Variants in ZNF154 observed in about 807,000 individuals in gnomAD.
ZNF154 encodes zinc finger protein 154, also known as zinc finger protein 154 (pHZ-92).
In ZNF154, 6 loss-of-function variants were observed where a neutral mutation model predicts 7.5. That is an observed-to-expected ratio of 0.80 (90% confidence interval 0.44 to 1.57). ZNF154 has a LOEUF of 1.57. Among genes scored for constraint, ZNF154 ranks in the 40% most tolerant of loss-of-function variants. The pLI, the probability that ZNF154 is intolerant of heterozygous loss-of-function variation, is 0.01. For missense variants in ZNF154, 485 were observed against 531.4 expected, an observed-to-expected ratio of 0.91 and a Z score of 0.86; for synonymous variants, 187 against 185.9, an observed-to-expected ratio of 1.01 and a Z score of -0.05.
intron 2 of ZNF154, among the ~76,000 whole-genome samples, chr19:57,704,110 T>A (rs927881335): frequency 2.0e-5 from 3 of 151,052 alleles, no homozygotes; most frequent in Non-Finnish European, 4.4e-5. Context: ...AGATACGGAG[T>A]CCAGAGATGT....
chr19:57,704,900 A>G lies in ZNF154; in HGVS notation c.113T>C (p.Leu38Pro). The change falls in exon 2 of 3, where the codon CTG (leucine) becomes CCG (proline). Residue 38 changes from leucine (L) to proline (P), a missense_variant. By Grantham distance (98) the Leu-to-Pro change is moderately conservative. Transcript: ENST00000684351. The stretch of plus-strand genomic sequence containing the variant: ...GTTCTCCAGCATCACATCACGGTAC[A>G]GGCATCTTTGAGCCTCATCAAGGAG... The part of the protein sequence containing the change: ...WGLLDEAQRC[L>P]YRDVMLENLA... 1 of 1,613,834 alleles carries G rather than the reference A, an allele frequency of 6.2e-7. No homozygotes were observed.
rs924293569 is a variant in ZNF154 at position 57,702,661 on chromosome 19, C to T, written c.288G>A (p.Lys96=). 8 of 1,614,002 alleles carry T rather than the reference C, an allele frequency of 5.0e-6. No homozygotes were observed. The African/African-American group carries it at 9.3e-5, about 19-fold the overall frequency. The stretch of plus-strand genomic sequence containing the variant: ...GAAATCCCAACTTGGCCAGGAAGTC[C>T]TTCCCAACTTCTCTGCAGGTGGAAG... ...GEPSTCREVG[K]DFLAKLGFLH... The change falls in exon 3 of 3, where the codon AAG becomes AAA. Residue 96 remains lysine, a synonymous_variant. Coordinates refer to ENST00000684351, the MANE Select transcript of ZNF154 (RefSeq NM_001085384.3).
intron 1 of ZNF154, among the ~76,000 whole-genome samples, chr19:57,706,982 G>A (rs12608681): frequency 0.12 from 18,919 of 151,972 alleles, 1,574 homozygotes; most frequent in East Asian, 0.38. Flanking sequence ...GCGTGGTGGC[G>A]CATGCCTGTA....
Position 57,709,180 on chromosome 19 carries a change from T to C in ZNF154, c.-209A>G. On this transcript the variant is annotated 5_prime_UTR_variant, in exon 1 of 3. Transcript: ENST00000684351. ...CTATCTCTGATCCGGTGAACACACC[T>C]CAGAGAAGCTAAAATGGCCGCCACG... 1.6e-6 allele frequency: 1 copy of C among 608,520 alleles called. No homozygotes were observed. The highest frequency in any genetic ancestry group is 2.8e-6 in the Non-Finnish European group (1 of 352,022). 37.7% of individuals were successfully genotyped at this position (608,520 alleles called of 1,614,324 possible). A position where few individuals can be genotyped will look rare whatever the true frequency, so the allele number is the denominator to read the frequency against.
rs1985216014 is a variant in ZNF154, at chr19:57,702,516, T to G, written c.433A>C (p.Lys145Gln). 6.2e-7 allele frequency: 1 copy of G among 1,614,124 alleles called. No homozygotes were observed. The highest frequency in any genetic ancestry group is 1.3e-5 in the African/African-American group (1 of 74,940). ...CGEHTKAFSG[K>Q]HTLVQQQRTL... ...CTCTGCTGCTGAACAAGTGTGTGTT[T>G]ACCGCTGAATGCTTTTGTGTGTTCT... The change falls in exon 3 of 3, where the codon AAA becomes CAA. Residue 145 changes from lysine to glutamine, a missense_variant. By Grantham distance (53) the Lys-to-Gln change is moderately conservative. Coordinates refer to ENST00000684351, the MANE Select transcript of ZNF154 (RefSeq NM_001085384.3).
Position 57,701,432 on chromosome 19 carries a change from T to C in ZNF154, c.*203A>G. The C allele has an allele frequency of 1.6e-6, 1 of 608,990 alleles. No homozygotes were observed. Among genetic ancestry groups the C allele is most frequent in the Non-Finnish European group, 2.8e-6 (1 of 350,954 alleles). The allele number at this position is 608,990 out of a possible 1,614,324, so 37.7% of individuals were successfully genotyped here. A position where few individuals can be genotyped will look rare whatever the true frequency, so the allele number is the denominator to read the frequency against. ...CAGATATAGGATGTTCAATTCAGGC[T>C]GATGCCACCCTCATAAGGGATCTCC... On this transcript the variant is annotated 3_prime_UTR_variant, in exon 3 of 3. Transcript: ENST00000684351.
chr19:57,704,704 C>A (rs1348244178), intron 2 of ZNF154, 149 bp downstream of exon 2: 11 of 1,113,978 alleles, frequency 9.9e-6, no homozygotes, highest in Non-Finnish European at 1.4e-5. Flanking sequence ...AGTATGCACA[C>A]CTTAGTCTTA....
rs3062223 is a variant in ZNF154, at chr19:57,703,484, CAAAAAAAA to C, written c.161-704_161-697del. ...TGGGTGACAGAAGGAGACTCCGTCT[CAAAAAAAA>C]AAAAAAAAAAAAAAAAGATTACAGG... On this transcript the variant is annotated intron_variant, in intron 2 of 2. Transcript: ENST00000684351. 6.7e-5 allele frequency among the ~76,000 whole-genome samples: 5 copies of C among 75,134 alleles called. No individual in the cohort carries two copies. The South Asian group carries it at 1.8e-3, about 26-fold the overall frequency. The allele number at this position is 75,134 out of a possible 152,430, so 49.3% of individuals were successfully genotyped here. A position where few individuals can be genotyped will look rare whatever the true frequency, so the allele number is the denominator to read the frequency against.
intron 2 of ZNF154, among the ~76,000 whole-genome samples, chr19:57,703,679 C>T (rs572742048): frequency 5.9e-5 from 9 of 152,202 alleles, no homozygotes; most frequent in South Asian, 2.1e-4. Context: ...CATGGAAATA[C>T]GACTGCAATG....
rs1318669466 is a variant in ZNF154, at chr19:57,702,660, C to G, written c.289G>C (p.Asp97His). The change falls in exon 3 of 3, where the codon GAC becomes CAC. Residue 97 changes from aspartate (D) to histidine (H), a missense_variant. By Grantham distance (81) the Asp-to-His change is moderately conservative. Coordinates refer to ENST00000684351, the MANE Select transcript of ZNF154 (RefSeq NM_001085384.3). ...AGAAATCCCAACTTGGCCAGGAAGTCCTTCCCAACTTCTCTGCAGGTGGAA... is the reference window on the plus strand; with the variant it reads ...AGAAATCCCAACTTGGCCAGGAAGTGCTTCCCAACTTCTCTGCAGGTGGAA... Reference protein sequence around the residue: ...EPSTCREVGKDFLAKLGFLHQ... With the variant: ...EPSTCREVGKHFLAKLGFLHQ... 1 of 1,614,014 alleles carries G rather than the reference C, an allele frequency of 6.2e-7. No individual in the cohort carries two copies. The highest frequency in any genetic ancestry group is 1.3e-5 in the African/African-American group (1 of 75,012).
Position 57,702,710 on chromosome 19 carries a change from C to T in ZNF154, c.239G>A (p.Cys80Tyr), listed in dbSNP as rs957005744. Residue 80 changes from cysteine (C) to tyrosine (Y), a missense_variant, in exon 3 of 3, where the codon TGC (cysteine) becomes TAC (tyrosine). By Grantham distance (194) the Cys-to-Tyr change is radical. Coordinates refer to ENST00000684351, the MANE Select transcript of ZNF154 (RefSeq NM_001085384.3). ...NVGRALFVKTCTFHVSGEPST... is the reference protein window; with the variant it reads ...NVGRALFVKTYTFHVSGEPST... ...AGGCTCCCCTGACACATGGAATGTGCAGGTCTTCACAAACAAGGCTCTGCC... is the reference window on the plus strand; with the variant it reads ...AGGCTCCCCTGACACATGGAATGTGTAGGTCTTCACAAACAAGGCTCTGCC... The T allele has an allele frequency of 7.4e-6, 12 of 1,613,058 alleles. No homozygotes were observed. The African/African-American group carries it at 1.5e-4, about 20-fold the overall frequency.
rs750939344 is a variant in ZNF154, at chr19:57,702,158, C to T, written c.791G>A (p.Arg264Gln). The change falls in exon 3 of 3, where the codon CGG (arginine) becomes CAG (glutamine). Residue 264 changes from arginine to glutamine, a missense_variant. Coordinates refer to ENST00000684351, the MANE Select transcript of ZNF154 (RefSeq NM_001085384.3). ...AGGCCTCTCCCCAGTGTGAACTCCCCGATGTTGAAGGAGTGCAGACCTTTG... is the reference window on the plus strand; with the variant it reads ...AGGCCTCTCCCCAGTGTGAACTCCCTGATGTTGAAGGAGTGCAGACCTTTG... ...FSQRSALLQH[R>Q]GVHTGERPYE... is the part of the protein sequence containing the mutation. The T allele has an allele frequency of 4.8e-5, 78 of 1,612,532 alleles. No homozygotes were observed. Among genetic ancestry groups the T allele is most frequent in the Middle Eastern group, 1.6e-4 (1 of 6,070 alleles).
intron 1 of ZNF154, among the ~76,000 whole-genome samples, chr19:57,707,964 A>G (rs966089785): frequency 2.6e-5 from 4 of 152,164 alleles, no homozygotes; most frequent in Admixed American, 1.3e-4. Context: ...CACAATCCCA[A>G]GAACATGGGG....
chr19:57,704,975 G>A lies in ZNF154; in HGVS notation c.38C>T (p.Thr13Ile), dbSNP rs372739059. Residue 13 changes from threonine (T) to isoleucine (I), a missense_variant, in exon 2 of 3, where the codon ACT becomes ATT. Transcript: ENST00000684351. The part of the protein sequence containing the change: ...AATLRTPTQG[T>I]VTFEDVAVHF... ...TACGGCCACATCTTCAAAGGTCACA[G>A]TGCCCTGCCACAATGGGAACAGATG... 507 of 1,609,836 alleles carry A rather than the reference G, an allele frequency of 3.1e-4. No homozygotes were observed. Among genetic ancestry groups the A allele is most frequent in the Non-Finnish European group, 4.0e-4 (471 of 1,178,618 alleles).
Position 57,702,727 on chromosome 19 carries a change from G to A in ZNF154, c.222C>T (p.Ala74=). 1 of 1,608,408 alleles carries A rather than the reference G, an allele frequency of 6.2e-7. No individual in the cohort carries two copies. Among genetic ancestry groups the A allele is most frequent in the Non-Finnish European group, 8.5e-7 (1 of 1,175,406 alleles). ...EKHFRSNVGR[A]LFVKTCTFHV... ...GGAATGTGCAGGTCTTCACAAACAA[G>A]GCTCTGCCCACATTGCTTCTGAAAT... is the stretch of plus-strand genomic sequence containing the variant. Residue 74 remains alanine (A), a synonymous_variant, in exon 3 of 3, where the codon GCC becomes GCT. Coordinates refer to ENST00000684351, the MANE Select transcript of ZNF154 (RefSeq NM_001085384.3).
Position 57,702,342 on chromosome 19 carries a change from T to G in ZNF154, c.607A>C (p.Ser203Arg). Residue 203 changes from serine to arginine, a missense_variant, in exon 3 of 3, where the codon AGT becomes CGT. Coordinates refer to ENST00000684351, the MANE Select transcript of ZNF154 (RefSeq NM_001085384.3). ...ECGKSFRQSS[S>R]LIQHRRVHTA... The stretch of plus-strand genomic sequence containing the variant: ...TGAACTCTCCGGTGCTGAATGAGAC[T>G]AGAGCTTTGCCTAAAGGACTTCCCA... The G allele has an allele frequency of 6.2e-7, 1 of 1,612,942 alleles. No homozygotes were observed. The highest frequency in any genetic ancestry group is 8.5e-7 in the Non-Finnish European group (1 of 1,178,984).
At position 57,697,091 on chromosome 19, in the gene ZNF154, C is replaced by T. The variant is rs151080530; in HGVS notation, c.*4544G>A. ...TCTTGAAAACGTGTGTAATGGGCTA[C>T]ATCTGCTAGGCCATATGAAGGAGTG... On this transcript the variant is annotated 3_prime_UTR_variant, in exon 3 of 3. Transcript: ENST00000684351. Among the ~76,000 whole-genome samples the T allele has an allele frequency of 6.2e-4, 95 of 152,346 alleles. No homozygotes were observed. Among genetic ancestry groups the T allele is most frequent in the Middle Eastern group, 3.4e-3 (1 of 294 alleles).
Position 57,701,928 on chromosome 19 carries a change from T to G in ZNF154, c.1021A>C (p.Arg341=). The G allele has an allele frequency of 6.2e-7, 1 of 1,613,446 alleles. No individual in the cohort carries two copies. Among genetic ancestry groups the G allele is most frequent in the Non-Finnish European group, 8.5e-7 (1 of 1,179,862 alleles). The stretch of plus-strand genomic sequence containing the variant: ...CCCCGATGTTGAAGGAGTGCAGACC[T>G]TTGGCTAAAGGATTTCCCACATTCG... ...CSECGKSFSQ[R]SALLQHRGVH... is the part of the protein sequence containing the mutation. The change falls in exon 3 of 3, where the codon AGG becomes CGG. Residue 341 remains arginine (R), a synonymous_variant. Coordinates refer to ENST00000684351, the MANE Select transcript of ZNF154 (RefSeq NM_001085384.3).
At position 57,708,554 on chromosome 19, in the gene ZNF154, T is replaced by C. The variant is rs911281591; in HGVS notation, c.33+385A>G. Among the ~76,000 whole-genome samples the C allele has an allele frequency of 5.3e-5, 8 of 152,078 alleles. No individual in the cohort carries two copies. The South Asian group carries it at 1.7e-3, about 32-fold the overall frequency. ...CGTCATTGCACTCCAGCCTGGGCGA[T>C]AAGAGCGAAACTCCGTCTCAAAGAA... On this transcript the variant is annotated intron_variant, in intron 1 of 2. Transcript: ENST00000684351.
Sources: allele counts gnomAD v4.1 joint callset (sites outside exome capture counted in the v4.1 genomes callset), GRCh38; gene constraint gnomAD v4.1.1; transcripts MANE v1.5; gene names NCBI Gene and HGNC (gene_info 2026-07-23, HGNC 2026-07-21).